The following TAFA4 variants were observed in gnomAD, a reference collection of about 807,000 sequenced individuals.
TAFA4 encodes chemokine-like protein TAFA-4.
TAFA4 carries 20 observed loss-of-function variants against 21.1 expected under a neutral mutation model. The ratio of observed to expected loss-of-function variants is 0.95; its 90% CI spans 0.67 to 1.38. The LOEUF (loss-of-function observed/expected upper bound fraction) is 1.38. Ranked by LOEUF, TAFA4 falls within the 40% of genes most tolerant of loss-of-function variation. The pLI is 0.00. For synonymous variants in TAFA4, 71 were observed against 67.4 expected, an observed-to-expected ratio of 1.05 and a Z score of -0.26; for missense variants, 211 against 180.9, an observed-to-expected ratio of 1.17 and a Z score of -0.95.
intron 3 of TAFA4, among the ~76,000 whole-genome samples, chr3:68,788,762 C>T (rs554404827): frequency 6.6e-6 from 1 of 151,926 alleles, no homozygotes; most frequent in South Asian, 2.1e-4. Context: ...CAGGCACACG[C>T]CACCATACCT....
intron 1 of TAFA4, among the ~76,000 whole-genome samples, chr3:68,909,007 C>A (rs2089930114): frequency 6.6e-6 from 1 of 152,178 alleles, no homozygotes; most frequent in African/African-American, 2.4e-5. Context: ...AGCTACTGAG[C>A]TCCTGATATG....
intron 3 of TAFA4, among the ~76,000 whole-genome samples, chr3:68,847,350 T>C (rs1042040967): frequency 6.6e-6 from 1 of 152,208 alleles, no homozygotes; most frequent in African/African-American, 2.4e-5. Context: ...GCCTCAGTAA[T>C]GACGGATGCC....
chr3:68,795,833 GT>G (rs1703444811), intron 3 of TAFA4, among the ~76,000 whole-genome samples: 1 of 152,160 alleles, frequency 6.6e-6, no homozygotes, highest in Admixed American at 6.5e-5. Flanking sequence ...GTCTGAGTTT[GT>G]TTGTACCTGT....
intron 1 of TAFA4, among the ~76,000 whole-genome samples, chr3:68,924,867 G>A (rs2090092912): frequency 6.6e-6 from 1 of 152,144 alleles, no homozygotes; most frequent in Admixed American, 6.5e-5. Flanking sequence ...ACTCCCCACT[G>A]CCTCTCTAAC....
At chr3:68,918,679 A>G (rs946218522) in intron 1 of TAFA4, among the ~76,000 whole-genome samples, 1 of 152,128 alleles carries the variant, frequency 6.6e-6, no homozygotes, top group African/African-American at 2.4e-5. Context: ...CTGGCACTAC[A>G]TGCATGCATC....
At chr3:68,860,184 G>A (rs1055684497) in intron 3 of TAFA4, among the ~76,000 whole-genome samples, 2 of 152,000 alleles carry the variant, frequency 1.3e-5, no homozygotes, top group African/African-American at 2.4e-5. Context: ...TCCCATTATT[G>A]TGTCATTAGT....
chr3:68,881,878 T>C (rs540463177), intron 2 of TAFA4, among the ~76,000 whole-genome samples: 1 of 152,332 alleles, frequency 6.6e-6, no homozygotes, highest in East Asian at 1.9e-4. Context: ...GCAGTGCCTC[T>C]ACGAAAGTCC....
chr3:68,787,965 T>TCTCCA (rs1703291183), intron 3 of TAFA4, among the ~76,000 whole-genome samples: 1 of 152,178 alleles, frequency 6.6e-6, no homozygotes, highest in Non-Finnish European at 1.5e-5. Flanking sequence ...CAATCATCTC[T>TCTCCA]CTCCAGTGTG....
chr3:68,774,829 C>G (rs1703020652), intron 3 of TAFA4, among the ~76,000 whole-genome samples: 1 of 151,942 alleles, frequency 6.6e-6, no homozygotes, highest in Non-Finnish European at 1.5e-5. Context: ...GGGAAGAAAA[C>G]TATAAGTGAC....
At position 68,762,357 on chromosome 3, in the gene TAFA4, T is replaced by C. The variant is rs140935006; in HGVS notation, c.131-9339A>G. ...AGGAGAGAAATGAGAATGCCACCAA[T>C]AGGATAGACAGATGTTAGCCGGGAT... On this transcript the variant is annotated intron_variant, in intron 3 of 5. Transcript: ENST00000295569. 9.2e-5 allele frequency among the ~76,000 whole-genome samples: 14 copies of C among 152,218 alleles called. No homozygotes were observed. The East Asian group carries it at 2.5e-3, about 27-fold the overall frequency.
rs1024652192 is a variant in TAFA4, at chr3:68,821,508, C to A, written c.130+59222G>T. 3.5e-4 allele frequency among the ~76,000 whole-genome samples: 14 copies of A among 40,254 alleles called. 7 individuals carry two copies. Among genetic ancestry groups the A allele is most frequent in the Admixed American group, 8.9e-4 (4 of 4,474 alleles). The allele number at this position is 40,254 out of a possible 152,430, so 26.4% of individuals were successfully genotyped here. On this transcript the variant is annotated intron_variant, in intron 3 of 5. Coordinates refer to ENST00000295569, the MANE Select transcript of TAFA4 (RefSeq NM_182522.5). ...GACTACAGGCGCCCGCCACCTCGCC[C>A]GGCTAATTTTTTGTATTTTTAGTAG...
intron 4 of TAFA4, among the ~76,000 whole-genome samples, chr3:68,752,055 C>T (rs955507716): frequency 1.6e-4 from 24 of 152,044 alleles, no homozygotes; most frequent in Non-Finnish European, 2.2e-4. Flanking sequence ...GTAAATCAGC[C>T]GTTCTTGTTC....
intron 3 of TAFA4, among the ~76,000 whole-genome samples, chr3:68,880,050 G>A (rs1406936149): frequency 8.6e-6 from 1 of 116,556 alleles, no homozygotes; most frequent in East Asian, 2.6e-4. Context: ...AGAAAGAAAG[G>A]ACAGAAACAC....
In TAFA4 at chr3:68,864,016, G is replaced by C. The variant is rs1010766308; in HGVS notation, c.130+16714C>G. 5.3e-5 allele frequency among the ~76,000 whole-genome samples: 8 copies of C among 151,846 alleles called. No homozygotes were observed. In the East Asian group the frequency reaches 1.5e-3, roughly 29 times the overall value. On this transcript the variant is annotated intron_variant, in intron 3 of 5. Transcript: ENST00000295569. ...ACTAAAAACTGTCTCAAAGAAAACA[G>C]AAAACAACCTGTGTGATCTCGGATT...
intron 3 of TAFA4, among the ~76,000 whole-genome samples, chr3:68,789,720 G>A (rs987514736): frequency 6.6e-6 from 1 of 152,174 alleles, no homozygotes; most frequent in African/African-American, 2.4e-5. Flanking sequence ...TCACTGCCAT[G>A]TAATTAGTTT....
chr3:68,923,497 C>T (rs979516521), intron 1 of TAFA4, among the ~76,000 whole-genome samples: 25 of 152,136 alleles, frequency 1.6e-4, no homozygotes, highest in African/African-American at 5.8e-4. Flanking sequence ...ACCTCTCCCC[C>T]ACAACTCCAA....
At chr3:68,856,211 T>C (rs1705066561) in intron 3 of TAFA4, among the ~76,000 whole-genome samples, 1 of 152,156 alleles carries the variant, frequency 6.6e-6, no homozygotes, top group South Asian at 2.1e-4. Context: ...AACAGGGTAG[T>C]GGTTACCCCT....
intron 3 of TAFA4, among the ~76,000 whole-genome samples, chr3:68,878,583 G>C (rs2089580437): frequency 6.6e-6 from 1 of 152,172 alleles, no homozygotes; most frequent in African/African-American, 2.4e-5. Context: ...CAAATTGCTA[G>C]TTGAAGAAAT....
chr3:68,738,477 T>C (rs1311237888), intron 5 of TAFA4, among the ~76,000 whole-genome samples: 2 of 152,112 alleles, frequency 1.3e-5, no homozygotes, highest in African/African-American at 4.8e-5. Flanking sequence ...AGATGGCAGA[T>C]TGGACAAGAG....
Sources: gnomAD v4.1 joint callset for allele counts (sites outside exome capture counted in the v4.1 genomes callset) on GRCh38, gnomAD v4.1.1 for gene constraint, MANE v1.5 for transcripts, NCBI Gene and HGNC (gene_info 2026-07-23, HGNC 2026-07-21) for gene names.